Variants in PHACTR1 observed in about 807,000 individuals in gnomAD.
The protein encoded by PHACTR1 is RPEL repeat containing 1.
PHACTR1 carries 16 observed loss-of-function variants against 69.2 expected under a neutral mutation model. The ratio of observed to expected loss-of-function variants is 0.23; its 90% CI spans 0.16 to 0.35. The LOEUF (loss-of-function observed/expected upper bound fraction) is 0.35. PHACTR1 is among the 10% of genes least tolerant of loss of function. PHACTR1 has a pLI of 1.00. For missense variants in PHACTR1, 510 were observed against 734.7 expected, an observed-to-expected ratio of 0.69 and a Z score of 3.54; for synonymous variants, 312 against 284.5, an observed-to-expected ratio of 1.10 and a Z score of -0.97.
chr6:12,784,805 C>T (rs977634998), intron 4 of PHACTR1, among the ~76,000 whole-genome samples: 2 of 151,972 alleles, frequency 1.3e-5, no homozygotes, highest in Non-Finnish European at 2.9e-5. Flanking sequence ...ACCTCCACCT[C>T]CCGGATTCAA....
At chr6:13,264,461 G>T (rs374475481) in intron 10 of PHACTR1, among the ~76,000 whole-genome samples, 1 of 152,210 alleles carries the variant, frequency 6.6e-6, no homozygotes, top group African/African-American at 2.4e-5. Flanking sequence ...GCTCACACCT[G>T]TAATCCCAGC....
chr6:13,267,889 C>A (rs754517315), intron 10 of PHACTR1: 1 of 138,100 alleles, frequency 7.2e-6, no homozygotes, highest in Non-Finnish European at 1.5e-5. Context: ...CAGATGTGAG[C>A]GTGCTCACCT....
intron 5 of PHACTR1, among the ~76,000 whole-genome samples, chr6:13,151,339 T>A (rs1440416855): frequency 1.3e-5 from 2 of 152,224 alleles, no homozygotes; most frequent in Non-Finnish European, 2.9e-5. Context: ...TCAATATTGC[T>A]TTTTCTCCAA....
chr6:12,768,109 CTTTT>C (rs781107897), intron 4 of PHACTR1, among the ~76,000 whole-genome samples: 5 of 107,582 alleles, frequency 4.6e-5, no homozygotes, highest in South Asian at 3.1e-4. Flanking sequence ...CTATCAAATC[CTTTT>C]TTTTTTTTTT....
At chr6:13,139,113 C>CTTTT (rs10656438) in intron 5 of PHACTR1, among the ~76,000 whole-genome samples, 1 of 142,032 alleles carries the variant, frequency 7.0e-6, no homozygotes. Context: ...TGCTATTTGC[C>CTTTT]TTTTTTTTTT....
intron 5 of PHACTR1, among the ~76,000 whole-genome samples, chr6:13,101,173 G>A (rs770860472): frequency 2.0e-5 from 3 of 152,220 alleles, no homozygotes; most frequent in Non-Finnish European, 2.9e-5. Context: ...AGAGCATAGT[G>A]CTGGCATCTT....
At position 13,121,450 on chromosome 6, in the gene PHACTR1, A is replaced by G. The variant is rs544326758; in HGVS notation, c.416-38754A>G. Among the ~76,000 whole-genome samples the G allele has an allele frequency of 2.0e-5, 3 of 152,314 alleles. No individual in the cohort carries two copies. The South Asian group carries it at 6.2e-4, about 32-fold the overall frequency. ...CACGTCTTCTCATATTATTGACCAT[A>G]TATACTAATTATATAATTATAACAT... On this transcript the variant is annotated intron_variant, in intron 5 of 14. Transcript: ENST00000332995.
chr6:13,063,456 G>T (rs1314989631), intron 5 of PHACTR1, among the ~76,000 whole-genome samples: 1 of 152,058 alleles, frequency 6.6e-6, no homozygotes, highest in Non-Finnish European at 1.5e-5. Context: ...GGGAAGAGAG[G>T]AGAGGTTAAC....
intron 4 of PHACTR1, among the ~76,000 whole-genome samples, chr6:12,945,488 G>A (rs1035362330): frequency 6.6e-6 from 1 of 152,186 alleles, no homozygotes; most frequent in Non-Finnish European, 1.5e-5. Context: ...CATGAATAAG[G>A]ACAGATGAAA....
intron 3 of PHACTR1, among the ~76,000 whole-genome samples, chr6:12,727,257 A>C (rs574787128): frequency 2.6e-5 from 4 of 152,302 alleles, no homozygotes; most frequent in Admixed American, 2.6e-4. Context: ...TCGAGAGAAA[A>C]AGTATCGTGG....
intron 4 of PHACTR1, among the ~76,000 whole-genome samples, chr6:12,945,454 T>A (rs1239169074): frequency 1.3e-5 from 2 of 152,208 alleles, no homozygotes; most frequent in Non-Finnish European, 2.9e-5. Flanking sequence ...CCTGGCATGG[T>A]GCTAAATAAA....
chr6:13,085,354 A>G (rs1812102650), intron 5 of PHACTR1, among the ~76,000 whole-genome samples: 1 of 152,202 alleles, frequency 6.6e-6, no homozygotes, highest in Middle Eastern at 3.4e-3. Context: ...CAAAATTCAA[A>G]TATCTCCTGT....
chr6:12,893,110 C>T (rs905935988), intron 4 of PHACTR1, among the ~76,000 whole-genome samples: 6 of 152,212 alleles, frequency 3.9e-5, no homozygotes, highest in Non-Finnish European at 8.8e-5. Context: ...TTTATTTGAA[C>T]CCCTACTATG....
chr6:12,967,689 A>G (rs568323692), intron 4 of PHACTR1, among the ~76,000 whole-genome samples: 5 of 152,328 alleles, frequency 3.3e-5, no homozygotes, highest in Admixed American at 6.5e-5. Context: ...TCCATTCCCT[A>G]GAAATGGAAC....
intron 5 of PHACTR1, among the ~76,000 whole-genome samples, chr6:13,104,027 T>A (rs1033044565): frequency 6.6e-6 from 1 of 152,174 alleles, no homozygotes; most frequent in Non-Finnish European, 1.5e-5. Context: ...AAGGTTGCAG[T>A]GAGCTGAGAT....
intron 4 of PHACTR1, among the ~76,000 whole-genome samples, chr6:12,759,546 G>A (rs896992084): frequency 6.6e-6 from 1 of 152,028 alleles, no homozygotes; most frequent in African/African-American, 2.4e-5. Flanking sequence ...ATCCCAAAGA[G>A]TAAGTACCGA....
Position 13,182,607 on chromosome 6 carries a change from C to A in PHACTR1, c.585C>A (p.Ser195=). ...SSSQLSLPAL[S]EMEPVPMPRD... The stretch of plus-strand genomic sequence containing the variant: ...GCCAGCTGTCTCTGCCTGCCCTGTC[C>A]GAAATGGAGCCAGTCCCAATGCCCA... The change falls in exon 7 of 15, where the codon TCC becomes TCA. Residue 195 remains serine, a synonymous_variant. Transcript: ENST00000332995. The A allele has an allele frequency of 6.2e-7, 1 of 1,612,300 alleles. No individual in the cohort carries two copies. The highest frequency in any genetic ancestry group is 8.5e-7 in the Non-Finnish European group (1 of 1,179,220).
intron 4 of PHACTR1, among the ~76,000 whole-genome samples, chr6:12,816,989 G>T (rs1249176063): frequency 1.3e-5 from 2 of 152,188 alleles, no homozygotes; most frequent in Non-Finnish European, 1.5e-5. Context: ...ACACAGGGTT[G>T]TGTGTGTGGG....
intron 4 of PHACTR1, among the ~76,000 whole-genome samples, chr6:12,808,999 T>G (rs1272136974): frequency 6.6e-6 from 1 of 152,038 alleles, no homozygotes; most frequent in Non-Finnish European, 1.5e-5. Context: ...CACTTCAGCC[T>G]CCTGGGTAGC....
Sources: gnomAD v4.1 joint callset for allele counts (sites outside exome capture counted in the v4.1 genomes callset) on GRCh38, gnomAD v4.1.1 for gene constraint, MANE v1.5 for transcripts, NCBI Gene and HGNC (gene_info 2026-07-23, HGNC 2026-07-21) for gene names.